Variants in ZNF76 observed in about 807,000 individuals in gnomAD.
The protein encoded by ZNF76 is zinc finger protein 523.
A neutral mutation model predicts 66.9 loss-of-function variants in ZNF76; 66 were observed. The ratio of observed to expected loss-of-function variants is 0.99; its 90% CI spans 0.81 to 1.21. The LOEUF is 1.21. ZNF76 is among the 50% of genes most tolerant of loss of function. ZNF76 has a pLI of 0.00. For synonymous variants in ZNF76, 275 were observed against 296.1 expected, an observed-to-expected ratio of 0.93 and a Z score of 0.73; for missense variants, 729 against 760.3, an observed-to-expected ratio of 0.96 and a Z score of 0.48.
At chr6:35,269,425 C>G (rs1164882460) in intron 1 of ZNF76, among the ~76,000 whole-genome samples, 1 of 152,048 alleles carries the variant, frequency 6.6e-6, no homozygotes, top group African/African-American at 2.4e-5. Context: ...CAGAGTGCCT[C>G]TTTTCTAGTG....
rs1582152178 is a variant in ZNF76 at position 35,286,270 on chromosome 6, C to A, written c.155-52C>A. The A allele has an allele frequency of 2.5e-6, 4 of 1,612,698 alleles. No individual in the cohort carries two copies. The East Asian group carries it at 8.9e-5, about 36-fold the overall frequency. On this transcript the variant is annotated intron_variant, in intron 3 of 13. Transcript: ENST00000373953. The stretch of plus-strand genomic sequence containing the variant: ...AAGCCTGACAGCCCCCACCAAGGGA[C>A]CCCTCCATGGCACTGAGCTCCAGGG...
chr6:35,280,626 T>C (rs1275943149), intron 1 of ZNF76, among the ~76,000 whole-genome samples: 2 of 151,160 alleles, frequency 1.3e-5, no homozygotes, highest in Non-Finnish European at 2.9e-5. Context: ...GTGAGTTCTG[T>C]TGAGGACTTA....
At chr6:35,262,081 A>T (rs1265810797) in intron 1 of ZNF76, among the ~76,000 whole-genome samples, 1 of 152,218 alleles carries the variant, frequency 6.6e-6, no homozygotes, top group Non-Finnish European at 1.5e-5. Flanking sequence ...GTATATTTTT[A>T]TACTAGATCT....
rs1303899641 is a variant in ZNF76 at position 35,295,274 on chromosome 6, A to G, written c.*26A>G. ...GTCCAAGAGGGCTGGGTCCCACACCATGCTGGAGGAAGTGCCATCTGCATG... is the reference window on the plus strand; with the variant it reads ...GTCCAAGAGGGCTGGGTCCCACACCGTGCTGGAGGAAGTGCCATCTGCATG... On this transcript the variant is annotated 3_prime_UTR_variant, in exon 14 of 14. Transcript: ENST00000373953. 1.9e-6 allele frequency: 3 copies of G among 1,562,408 alleles called. No individual in the cohort carries two copies. The highest frequency in any genetic ancestry group is 1.7e-4 in the Middle Eastern group (1 of 5,988).
In ZNF76 at chr6:35,295,268, C is replaced by T; in HGVS notation, c.*20C>T. 8.3e-6 allele frequency: 13 copies of T among 1,574,518 alleles called. No homozygotes were observed. The highest frequency in any genetic ancestry group is 1.2e-5 in the South Asian group (1 of 86,668). On this transcript the variant is annotated 3_prime_UTR_variant, in exon 14 of 14. Transcript: ENST00000373953. ...TGCTGAGTCCAAGAGGGCTGGGTCC[C>T]ACACCATGCTGGAGGAAGTGCCATC...
At chr6:35,273,938 T>C (rs555091045) in intron 1 of ZNF76, among the ~76,000 whole-genome samples, 1 of 152,296 alleles carries the variant, frequency 6.6e-6, no homozygotes, top group East Asian at 1.9e-4. Flanking sequence ...CTTATGTTAG[T>C]GCAAGTTTGT....
chr6:35,262,876 T>A (rs1582004537), intron 1 of ZNF76, among the ~76,000 whole-genome samples: 1 of 152,170 alleles, frequency 6.6e-6, no homozygotes, highest in African/African-American at 2.4e-5. Context: ...CCTCTCAGAT[T>A]CCTCCCTCAC....
intron 1 of ZNF76, among the ~76,000 whole-genome samples, chr6:35,264,547 C>T (rs1785719660): frequency 6.6e-6 from 1 of 152,108 alleles, no homozygotes; most frequent in Non-Finnish European, 1.5e-5. Flanking sequence ...TTCATTATAC[C>T]ATTCTTTCCA....
At chr6:35,282,672 T>C (rs1284383726) in intron 2 of ZNF76, among the ~76,000 whole-genome samples, 1 of 152,242 alleles carries the variant, frequency 6.6e-6, no homozygotes, top group African/African-American at 2.4e-5. Flanking sequence ...CCTGAAGCAC[T>C]GTCATTGCAA....
At position 35,292,762 on chromosome 6, in the gene ZNF76, C is replaced by T. The variant is rs199659554; in HGVS notation, c.1140C>T (p.Ala380=). Residue 380 remains alanine (A), a synonymous_variant, in exon 10 of 14, where the codon GCC becomes GCT. Transcript: ENST00000373953. This position sits in a 1 kb window ranked among gnomAD's most constrained non-coding sequence, Gnocchi z 4.7. The part of the protein sequence containing the change: ...ELEATEESEQ[A]LYEQQQLEAA... ...AGGCCACGGAGGAGAGCGAGCAGGC[C>T]CTCTATGAGCAGCAGCAACTTGAGG... The T allele has an allele frequency of 1.2e-6, 2 of 1,613,900 alleles. No individual in the cohort carries two copies. Among genetic ancestry groups the T allele is most frequent in the African/African-American group, 2.7e-5 (2 of 74,916 alleles).
chr6:35,261,486 T>G (rs947015539), intron 1 of ZNF76, among the ~76,000 whole-genome samples: 4 of 146,294 alleles, frequency 2.7e-5, no homozygotes. Context: ...TATTATTATA[T>G]CCACCATTTT....
At chr6:35,278,947 C>T (rs930749951) in intron 1 of ZNF76, among the ~76,000 whole-genome samples, 6 of 152,120 alleles carry the variant, frequency 3.9e-5, no homozygotes, top group African/African-American at 1.4e-4. Context: ...AGGCAACGGA[C>T]ATTAAACAGA....
At chr6:35,281,848 A>T (rs1355377119) in intron 2 of ZNF76, among the ~76,000 whole-genome samples, 1 of 151,832 alleles carries the variant, frequency 6.6e-6, no homozygotes, top group Non-Finnish European at 1.5e-5. Context: ...AGGCAGAAGG[A>T]TCACTGAAAC....
chr6:35,263,827 T>C (rs1785595452), intron 1 of ZNF76, among the ~76,000 whole-genome samples: 1 of 152,216 alleles, frequency 6.6e-6, no homozygotes, highest in Non-Finnish European at 1.5e-5. Flanking sequence ...CTTGGCTCAC[T>C]GCAACCTCCT....
intron 2 of ZNF76, among the ~76,000 whole-genome samples, chr6:35,285,196 A>G (rs2150365483): frequency 6.6e-6 from 1 of 152,310 alleles, no homozygotes; most frequent in Non-Finnish European, 1.5e-5. Flanking sequence ...GTTAATTTTT[A>G]TGCTGCTTGT....
At chr6:35,268,375 A>G (rs1245558987) in intron 1 of ZNF76, among the ~76,000 whole-genome samples, 3 of 152,178 alleles carry the variant, frequency 2.0e-5, no homozygotes, top group Non-Finnish European at 4.4e-5. Context: ...AGAGTATAAG[A>G]TATAGCTCAT....
At chr6:35,289,721 T>C (rs1212000797) in intron 5 of ZNF76, among the ~76,000 whole-genome samples, 1 of 152,168 alleles carries the variant, frequency 6.6e-6, no homozygotes, top group East Asian at 1.9e-4. Context: ...CTCCCCTGGG[T>C]GCTTCTGGTC....
chr6:35,271,441 G>A, intron 1 of ZNF76, among the ~76,000 whole-genome samples: 1 of 152,212 alleles, frequency 6.6e-6, no homozygotes, highest in South Asian at 2.1e-4. Context: ...GGCCAAGGCG[G>A]GCAGATCACC....
At chr6:35,286,844 A>G (rs1027311936) in intron 4 of ZNF76, 57 of 224,714 alleles carry the variant, frequency 2.5e-4, no homozygotes, top group Admixed American at 4.1e-4. Flanking sequence ...TATACAAGAC[A>G]GAACAAAGTC....
Sources: gnomAD v4.1 joint callset for allele counts (sites outside exome capture counted in the v4.1 genomes callset) on GRCh38, gnomAD v4.1.1 for gene constraint, Gnocchi (gnomAD v3.1) non-coding constraint, MANE v1.5 for transcripts, NCBI Gene and HGNC (gene_info 2026-07-23, HGNC 2026-07-21) for gene names.